EFCAB6: variants seen among roughly 807,000 people sequenced by gnomAD.
EFCAB6 encodes the protein EF-hand calcium binding domain 6, also known as EF-hand calcium-binding domain-containing protein 6.
Under a neutral mutation model 169.8 loss-of-function variants are expected in EFCAB6, and 156 were observed. The ratio of observed to expected loss-of-function variants is 0.92; its 90% confidence interval spans 0.81 to 1.05. EFCAB6 has a LOEUF of 1.05. Ranked by LOEUF, EFCAB6 falls within the 50% of genes least tolerant of loss-of-function variation. The pLI, the probability that EFCAB6 is intolerant of heterozygous loss-of-function variation, is 0.00. For missense variants in EFCAB6, 1,800 were observed against 1,829.1 expected, an observed-to-expected ratio of 0.98 and a Z score of 0.29; for synonymous variants, 698 against 676.4, an observed-to-expected ratio of 1.03 and a Z score of -0.50.
At chr22:43,598,210 G>C (rs1313208292) in intron 23 of EFCAB6, among the ~76,000 whole-genome samples, 1 of 150,962 alleles carries the variant, frequency 6.6e-6, no homozygotes, top group Non-Finnish European at 1.5e-5. Context: ...AGGAGGCTGA[G>C]GTGGGAGGAT....
chr22:43,776,523 A>ATG (rs1326018605), intron 3 of EFCAB6, among the ~76,000 whole-genome samples: 2 of 152,184 alleles, frequency 1.3e-5, no homozygotes, highest in Admixed American at 1.3e-4. Flanking sequence ...TTTAGAGGGG[A>ATG]TGGTCAAGGA....
chr22:43,799,585 C>A (rs2062630743), intron 2 of EFCAB6, among the ~76,000 whole-genome samples: 1 of 152,092 alleles, frequency 6.6e-6, no homozygotes, highest in Non-Finnish European at 1.5e-5. Context: ...CACAGGAACA[C>A]AGTACTAATT....
At chr22:43,671,025 T>C (rs2057467847) in intron 15 of EFCAB6, among the ~76,000 whole-genome samples, 1 of 152,198 alleles carries the variant, frequency 6.6e-6, no homozygotes. Context: ...TCAGAGAGGT[T>C]AAGTCACTTG....
At chr22:43,652,061 G>C (rs752956188) in intron 17 of EFCAB6, among the ~76,000 whole-genome samples, 10 of 152,130 alleles carry the variant, frequency 6.6e-5, no homozygotes, top group Non-Finnish European at 1.3e-4. Flanking sequence ...GGGGACTATT[G>C]GGAAGGCATG....
intron 4 of EFCAB6, among the ~76,000 whole-genome samples, chr22:43,768,602 A>T (rs2061385330): frequency 6.6e-6 from 1 of 152,186 alleles, no homozygotes; most frequent in South Asian, 2.1e-4. Context: ...ATTGACACAC[A>T]TGTCACAGGA....
intron 17 of EFCAB6, among the ~76,000 whole-genome samples, chr22:43,643,597 A>G (rs1348127298): frequency 1.3e-5 from 2 of 152,234 alleles, no homozygotes; most frequent in African/African-American, 4.8e-5. Flanking sequence ...CAAACAGCAC[A>G]TGATGCTGCT....
intron 13 of EFCAB6, among the ~76,000 whole-genome samples, chr22:43,673,492 C>G (rs770304344): frequency 2.6e-5 from 4 of 152,122 alleles, no homozygotes; most frequent in Admixed American, 6.5e-5. Context: ...AATTAGATAG[C>G]AGGCCAGGCA....
chr22:43,801,632 AT>A (rs2062719044), intron 2 of EFCAB6, among the ~76,000 whole-genome samples: 1 of 152,234 alleles, frequency 6.6e-6, no homozygotes, highest in Non-Finnish European at 1.5e-5. Flanking sequence ...GTTTGTTTAT[AT>A]TCTTTTTTCT....
intron 20 of EFCAB6, among the ~76,000 whole-genome samples, chr22:43,617,052 CA>C (rs1215723356): frequency 5.3e-5 from 8 of 152,200 alleles, no homozygotes; most frequent in Non-Finnish European, 1.2e-4. Flanking sequence ...ACTACAACCT[CA>C]CCTGCTTTTC....
intron 17 of EFCAB6, among the ~76,000 whole-genome samples, chr22:43,661,809 A>G (rs1361034294): frequency 6.6e-6 from 1 of 152,182 alleles, no homozygotes; most frequent in Non-Finnish European, 1.5e-5. Flanking sequence ...AGTCTTATTG[A>G]TAGTTAATAA....
chr22:43,748,246 A>G (rs1202051973), intron 6 of EFCAB6, among the ~76,000 whole-genome samples: 1 of 152,194 alleles, frequency 6.6e-6, no homozygotes, highest in Non-Finnish European at 1.5e-5. Context: ...ACCTTCAGTC[A>G]TCCTCCTCCT....
At chr22:43,548,856 C>G (rs1248690320) in intron 27 of EFCAB6, among the ~76,000 whole-genome samples, 1 of 152,050 alleles carries the variant, frequency 6.6e-6, no homozygotes, top group African/African-American at 2.4e-5. Context: ...ACTATCCATC[C>G]ACAAATGGAA....
intron 18 of EFCAB6, 92 bp downstream of exon 18, chr22:43,635,010 T>C: frequency 1.0e-6 from 1 of 976,094 alleles, no homozygotes; most frequent in Non-Finnish European, 1.6e-6. Flanking sequence ...CTTGTGCTAC[T>C]TCAACCCGAG....
At chr22:43,786,563 T>C (rs2062084317) in intron 2 of EFCAB6, among the ~76,000 whole-genome samples, 2 of 149,744 alleles carry the variant, frequency 1.3e-5, no homozygotes, top group South Asian at 4.2e-4. Flanking sequence ...CTACTAAAAA[T>C]ACAAAAAAAT....
At chr22:43,624,572 T>G (rs541301471) in intron 20 of EFCAB6, among the ~76,000 whole-genome samples, 2 of 152,264 alleles carry the variant, frequency 1.3e-5, no homozygotes, top group Non-Finnish European at 2.9e-5. Context: ...GGAATGACCT[T>G]TCCTCTAGCC....
chr22:43,774,561 A>C lies in EFCAB6; in HGVS notation c.140-1458T>G, dbSNP rs5764285. On this transcript the variant is annotated intron_variant, in intron 3 of 31. Coordinates refer to ENST00000262726, the MANE Select transcript of EFCAB6 (RefSeq NM_022785.4). The stretch of plus-strand genomic sequence containing the variant: ...GATGACTCTCGCTCCTGATGCCCAC[A>C]GCCTCAGGGAGGGAGGTGATTCGGT... Among the ~76,000 whole-genome samples, 5 of 151,612 alleles carry C rather than the reference A, an allele frequency of 3.3e-5. No individual in the cohort carries two copies. The East Asian group carries it at 1.0e-3, about 30-fold the overall frequency.
rs1319980978 is a variant in EFCAB6, at chr22:43,788,763, C to CA, written c.-7-6439dup. ...AAGGGAACTGAAAACATACATCCAT[C>CA]AAAAAAAAGTTGTACTTAAATATTC... On this transcript the variant is annotated intron_variant, in intron 2 of 31. Coordinates refer to ENST00000262726, the MANE Select transcript of EFCAB6 (RefSeq NM_022785.4). 1.1e-4 allele frequency among the ~76,000 whole-genome samples: 17 copies of CA among 151,808 alleles called. 1 individual carries two copies. The highest frequency in any genetic ancestry group is 7.9e-4 in the Admixed American group (12 of 15,248).
chr22:43,534,556 T>C, intron 30 of EFCAB6, 132 bp downstream of exon 30: 1 of 817,862 alleles, frequency 1.2e-6, no homozygotes, highest in Non-Finnish European at 1.8e-6. Context: ...AGCTGGGAGT[T>C]TGAGGCTGCA....
At chr22:43,781,726 G>T (rs2061828027) in intron 3 of EFCAB6, among the ~76,000 whole-genome samples, 1 of 151,884 alleles carries the variant, frequency 6.6e-6, no homozygotes. Flanking sequence ...TAAAAATAAT[G>T]TTATCAGTAT....
Sources: gnomAD v4.1 joint callset for allele counts (sites outside exome capture counted in the v4.1 genomes callset) on GRCh38, gnomAD v4.1.1 for gene constraint, MANE v1.5 for transcripts, NCBI Gene and HGNC (gene_info 2026-07-23, HGNC 2026-07-21) for gene names.